Variants in IGFBPL1 observed in about 807,000 individuals in gnomAD.
IGFBPL1 encodes the protein insulin like growth factor binding protein like 1.
A neutral mutation model predicts 23.9 loss-of-function variants in IGFBPL1; 20 were observed. The ratio of observed to expected loss-of-function variants is 0.84; its 90% CI spans 0.59 to 1.22. IGFBPL1 has a LOEUF of 1.22. IGFBPL1 is among the 50% of genes most tolerant of loss of function. The pLI is 0.00. For missense variants in IGFBPL1, 436 were observed against 379.3 expected (o/e 1.15, Z -1.24); for synonymous variants, 184 against 171.8 (o/e 1.07, Z -0.56).
intron 3 of IGFBPL1, among the ~76,000 whole-genome samples, chr9:38,411,881 CT>C (rs1821518193): frequency 1.3e-5 from 2 of 152,312 alleles, no homozygotes; most frequent in African/African-American, 4.8e-5. Context: ...GAACAAAAAT[CT>C]ACTGACCAAA....
intron 1 of IGFBPL1, among the ~76,000 whole-genome samples, chr9:38,419,376 A>G (rs1371355496): frequency 6.6e-6 from 1 of 152,210 alleles, no homozygotes; most frequent in Non-Finnish European, 1.5e-5. Flanking sequence ...CTCCCTCAGC[A>G]TGAAAGGGTT....
chr9:38,420,520 C>T (rs1445874882), intron 1 of IGFBPL1, among the ~76,000 whole-genome samples: 1 of 152,220 alleles, frequency 6.6e-6, no homozygotes, highest in Non-Finnish European at 1.5e-5. Context: ...TAGCGGCTAG[C>T]TGTGCAGCGC....
At position 38,424,086 on chromosome 9, in the gene IGFBPL1, G is replaced by A; in HGVS notation, c.339C>T (p.Thr113=). 7.3e-7 allele frequency: 1 copy of A among 1,372,298 alleles called. No homozygotes were observed. The highest frequency in any genetic ancestry group is 9.4e-7 in the Non-Finnish European group (1 of 1,066,580). The allele number at this position is 1,372,298 out of a possible 1,614,324, so 85.0% of individuals were successfully genotyped here. ...TGLCVCAQRG[T]VCGSDGRSYP... Reference sequence around the variant, plus strand: ...ACGAGCGACCGTCGGAGCCGCAGACGGTGCCGCGCTGCGCGCACACGCAGA... The same window carrying A: ...ACGAGCGACCGTCGGAGCCGCAGACAGTGCCGCGCTGCGCGCACACGCAGA... Residue 113 remains threonine, a synonymous_variant, in exon 1 of 5, where the codon ACC becomes ACT. Coordinates refer to ENST00000377694, the MANE Select transcript of IGFBPL1 (RefSeq NM_001007563.3).
At position 38,408,253 on chromosome 9, in the gene IGFBPL1, CA is replaced by C. The variant is rs35229194; in HGVS notation, c.*973del. 0.067 allele frequency among the ~76,000 whole-genome samples: 4,630 copies of C among 69,260 alleles called. 62 individuals carry two copies. The highest frequency in any genetic ancestry group is 0.11 in the South Asian group (209 of 1,978). The allele number at this position is 69,260 out of a possible 152,430, so 45.4% of individuals were successfully genotyped here. A position where few individuals can be genotyped will look rare whatever the true frequency, so the allele number is the denominator to read the frequency against. On this transcript the variant is annotated 3_prime_UTR_variant, in exon 5 of 5. Coordinates refer to ENST00000377694, the MANE Select transcript of IGFBPL1 (RefSeq NM_001007563.3). Reference sequence around the variant, plus strand: ...GCAACATAGGGAGACCCTGTCTCTACAAAAAAAAAAAAAAAAAAAAAAAAAA... The same window carrying C: ...GCAACATAGGGAGACCCTGTCTCTACAAAAAAAAAAAAAAAAAAAAAAAAA...
intron 1 of IGFBPL1, among the ~76,000 whole-genome samples, chr9:38,422,557 T>C (rs1415960374): frequency 1.3e-5 from 2 of 151,992 alleles, no homozygotes; most frequent in East Asian, 3.9e-4. Flanking sequence ...CTGTTCCGAG[T>C]GAAAGGGACC....
chr9:38,418,400 C>G (rs1277118380), intron 1 of IGFBPL1, among the ~76,000 whole-genome samples: 1 of 152,204 alleles, frequency 6.6e-6, no homozygotes, highest in Non-Finnish European at 1.5e-5. Flanking sequence ...TTGCAAGACC[C>G]CTTACAAACT....
intron 1 of IGFBPL1, among the ~76,000 whole-genome samples, chr9:38,419,863 CCCT>C (rs71363990): frequency 0.33 from 48,567 of 145,780 alleles, 8,455 homozygotes; most frequent in East Asian, 0.5. Context: ...CTCCTCCTCC[CCCT>C]CCTCCTCCTC....
At chr9:38,410,267 A>T (rs7848277) in intron 4 of IGFBPL1, among the ~76,000 whole-genome samples, 35,067 of 151,844 alleles carry the variant, frequency 0.23, 4,201 homozygotes, top group African/African-American at 0.26. Context: ...CGGATCATGA[A>T]GTCGGGAGAT....
chr9:38,419,113 C>T (rs1821638278), intron 1 of IGFBPL1, among the ~76,000 whole-genome samples: 2 of 152,000 alleles, frequency 1.3e-5, no homozygotes, highest in South Asian at 2.1e-4. Flanking sequence ...TCAATTATAT[C>T]GATCATTGAT....
rs1354574311 is a variant in IGFBPL1, at chr9:38,407,680, G to A, written c.*1547C>T. Among the ~76,000 whole-genome samples, 1 of 152,216 alleles carries A rather than the reference G, an allele frequency of 6.6e-6. No homozygotes were observed. The highest frequency in any genetic ancestry group is 1.5e-5 in the Non-Finnish European group (1 of 68,042). On this transcript the variant is annotated 3_prime_UTR_variant, in exon 5 of 5. Transcript: ENST00000377694. ...ACCGTGGAGTAGAGAGGGGACCAAGGAGGGCCAGGTGCCCTGAGCTCTGCT... is the reference window on the plus strand; with the variant it reads ...ACCGTGGAGTAGAGAGGGGACCAAGAAGGGCCAGGTGCCCTGAGCTCTGCT...
chr9:38,418,483 C>G (rs892090807), intron 1 of IGFBPL1, among the ~76,000 whole-genome samples: 1 of 152,182 alleles, frequency 6.6e-6, no homozygotes, highest in African/African-American at 2.4e-5. Context: ...CTCTAAAGCT[C>G]CCTGCATGCA....
intron 2 of IGFBPL1, among the ~76,000 whole-genome samples, chr9:38,413,747 G>A (rs1029316576): frequency 2.0e-5 from 3 of 152,146 alleles, no homozygotes; most frequent in Admixed American, 2.0e-4. Flanking sequence ...CTGAAACACA[G>A]CCCCGAAGTG....
chr9:38,413,750 C>G (rs1821551127), intron 2 of IGFBPL1, among the ~76,000 whole-genome samples: 1 of 152,100 alleles, frequency 6.6e-6, no homozygotes. Flanking sequence ...AAACACAGCC[C>G]CGAAGTGAAG....
In IGFBPL1 at chr9:38,411,544, G is replaced by T. The variant is rs777527710; in HGVS notation, c.693C>A (p.Asn231Lys). Residue 231 changes from asparagine to lysine, a missense_variant, in exon 4 of 5, where the codon AAC (asparagine) becomes AAA (lysine). By Grantham distance (94) the Asn-to-Lys change is moderately conservative. Coordinates refer to ENST00000377694, the MANE Select transcript of IGFBPL1 (RefSeq NM_001007563.3). ...DHEATAWILI[N>K]PLRKEDEGVY... is the part of the protein sequence containing the mutation. ...CACCCTCATCCTCCTTTCGCAGGGG[G>T]TTGATCTAGAAATACAACAGGCAAG... 12 of 1,613,526 alleles carry T rather than the reference G, an allele frequency of 7.4e-6. No individual in the cohort carries two copies. The Admixed American group carries it at 1.8e-4, about 25-fold the overall frequency.
chr9:38,412,225 C>G (rs940487221), intron 3 of IGFBPL1, among the ~76,000 whole-genome samples: 1 of 152,176 alleles, frequency 6.6e-6, no homozygotes, highest in Non-Finnish European at 1.5e-5. Flanking sequence ...CGCTGGTGTA[C>G]GCACATCAGC....
At chr9:38,423,547 C>T (rs1386381664) in intron 1 of IGFBPL1, among the ~76,000 whole-genome samples, 3 of 151,430 alleles carry the variant, frequency 2.0e-5, no homozygotes, top group African/African-American at 7.4e-5. Context: ...TCCTCAACTT[C>T]CCTTCCTCCC....
At chr9:38,420,930 G>A (rs1388009557) in intron 1 of IGFBPL1, among the ~76,000 whole-genome samples, 3 of 152,072 alleles carry the variant, frequency 2.0e-5, no homozygotes, top group Non-Finnish European at 2.9e-5. Flanking sequence ...TTCCTTCCAT[G>A]TGCCTCAGCT....
Position 38,409,113 on chromosome 9 carries a change from A to G in IGFBPL1, c.*114T>C, listed in dbSNP as rs1821473694. The G allele has an allele frequency of 6.6e-6, 1 of 151,752 alleles. No homozygotes were observed. Among genetic ancestry groups the G allele is most frequent in the Non-Finnish European group, 1.5e-5 (1 of 67,908 alleles). 9.4% of individuals were successfully genotyped at this position (151,752 alleles called of 1,614,324 possible). A position where few individuals can be genotyped will look rare whatever the true frequency, so the allele number is the denominator to read the frequency against. ...TAGTTTGCATCTAATTTTTAAAAAC[A>G]CACAAAAGGGGTCATCTACACACAC... On this transcript the variant is annotated 3_prime_UTR_variant, in exon 5 of 5. Coordinates refer to ENST00000377694, the MANE Select transcript of IGFBPL1 (RefSeq NM_001007563.3).
At chr9:38,417,337 T>C (rs1402918856) in intron 1 of IGFBPL1, among the ~76,000 whole-genome samples, 1 of 152,176 alleles carries the variant, frequency 6.6e-6, no homozygotes, top group Non-Finnish European at 1.5e-5. Context: ...CACCCTTTCA[T>C]CCTCATGGCA....
Sources: allele counts gnomAD v4.1 joint callset (sites outside exome capture counted in the v4.1 genomes callset), GRCh38; gene constraint gnomAD v4.1.1; transcripts MANE v1.5; gene names NCBI Gene and HGNC (gene_info 2026-07-23, HGNC 2026-07-21).